LMBR1: variants seen among roughly 807,000 people sequenced by gnomAD.
LMBR1 encodes the protein limb region 1 protein homolog.
LMBR1 carries 52 observed loss-of-function variants against 73.9 expected under a neutral mutation model. The observed-to-expected ratio is 0.70, with a 90% CI of 0.56 to 0.89. The LOEUF (loss-of-function observed/expected upper bound fraction) is 0.89, where lower values mean the gene tolerates loss of function less well. Among genes scored for constraint, LMBR1 ranks in the 40% least tolerant of loss-of-function variants. The pLI is 0.00. For synonymous variants in LMBR1, 215 were observed against 209.4 expected (o/e 1.03, Z -0.23); for missense variants, 539 against 579.8 (o/e 0.93, Z 0.72).
intron 1 of LMBR1, among the ~76,000 whole-genome samples, chr7:156,857,960 G>A (rs1397528907): frequency 6.7e-6 from 1 of 149,060 alleles, no homozygotes; most frequent in Non-Finnish European, 1.5e-5. Context: ...CGCTTAGAGG[G>A]AAATGTATAG....
intron 1 of LMBR1, among the ~76,000 whole-genome samples, chr7:156,871,796 G>A (rs1490964648): frequency 1.3e-5 from 2 of 152,112 alleles, no homozygotes; most frequent in Non-Finnish European, 2.9e-5. Context: ...TTATCTCAAT[G>A]TAATAAAGGC....
At chr7:156,836,136 GA>G (rs1837609842) in intron 2 of LMBR1, among the ~76,000 whole-genome samples, 1 of 152,158 alleles carries the variant, frequency 6.6e-6, no homozygotes, top group South Asian at 2.1e-4. Context: ...AGTTTAAACT[GA>G]TAGCATAATA....
intron 15 of LMBR1, among the ~76,000 whole-genome samples, chr7:156,700,771 G>A (rs961478822): frequency 4.6e-5 from 7 of 152,000 alleles, no homozygotes; most frequent in Admixed American, 6.6e-5. Context: ...TTCCAAAGTC[G>A]CTTCCATATT....
intron 9 of LMBR1, among the ~76,000 whole-genome samples, chr7:156,747,310 G>C (rs891238156): frequency 6.6e-6 from 1 of 152,074 alleles, no homozygotes; most frequent in Admixed American, 6.5e-5. Context: ...AATAGCTGAA[G>C]GCAACTTTTC....
rs10633275 is a variant in LMBR1, at chr7:156,831,275, A to ATT, written c.179+2476_179+2477dup. ...AATTGTATCAAGCACCCTACCCTAG[A>ATT]TTTTTTTTTTTTTTTTTTGGCAAAT... On this transcript the variant is annotated intron_variant, in intron 3 of 16. Transcript: ENST00000353442. 6.0e-4 allele frequency among the ~76,000 whole-genome samples: 77 copies of ATT among 127,938 alleles called. 3 individuals are homozygous for ATT. The highest frequency in any genetic ancestry group is 4.0e-3 in the South Asian group (16 of 3,994). 83.9% of individuals were successfully genotyped at this position (127,938 alleles called of 152,430 possible). A position where few individuals can be genotyped will look rare whatever the true frequency, so the allele number is the denominator to read the frequency against.
At chr7:156,694,234 C>CA (rs558278817) in intron 15 of LMBR1, among the ~76,000 whole-genome samples, 78 of 152,186 alleles carry the variant, frequency 5.1e-4, no homozygotes, top group African/African-American at 1.8e-3. Flanking sequence ...AGCCTCCTGG[C>CA]AAATGATCCC....
Position 156,683,917 on chromosome 7 carries a change from A to G in LMBR1, c.*161T>C. The G allele has an allele frequency of 1.5e-6, 1 of 650,776 alleles. No individual in the cohort carries two copies. Among genetic ancestry groups the G allele is most frequent in the Non-Finnish European group, 2.7e-6 (1 of 366,816 alleles). 40.3% of individuals were successfully genotyped at this position (650,776 alleles called of 1,614,324 possible). On this transcript the variant is annotated 3_prime_UTR_variant, in exon 17 of 17. Coordinates refer to ENST00000353442, the MANE Select transcript of LMBR1 (RefSeq NM_022458.4). ...AAGTTAAATTTAAAAAAGATCAGCC[A>G]TAGCCAAGTTCTTCGTAGATTATGA...
intron 1 of LMBR1, chr7:156,892,675 G>C: frequency 3.0e-6 from 1 of 337,198 alleles, no homozygotes; most frequent in Non-Finnish European, 5.4e-6. Flanking sequence ...GAGCGCGAGG[G>C]GGCAGGGGAG....
At chr7:156,727,046 G>A (rs974295540) in intron 12 of LMBR1, among the ~76,000 whole-genome samples, 1 of 152,268 alleles carries the variant, frequency 6.6e-6, no homozygotes, top group South Asian at 2.1e-4. Context: ...GAAGACCCCT[G>A]TGATATGTAA....
Position 156,679,409 on chromosome 7 carries a change from G to C in LMBR1, c.*4669C>G, listed in dbSNP as rs892891745. 1 of 152,192 alleles carries C rather than the reference G, an allele frequency of 6.6e-6. No individual in the cohort carries two copies. The highest frequency in any genetic ancestry group is 2.4e-5 in the African/African-American group (1 of 41,444). 9.4% of individuals were successfully genotyped at this position (152,192 alleles called of 1,614,324 possible). On this transcript the variant is annotated 3_prime_UTR_variant, in exon 17 of 17. Coordinates refer to ENST00000353442, the MANE Select transcript of LMBR1 (RefSeq NM_022458.4). ...GCAGGAGGAGGACGATGCTCCACTT[G>C]TCACTTAGTTCTCTGACTCTACTGT...
intron 4 of LMBR1, among the ~76,000 whole-genome samples, chr7:156,803,109 A>G (rs1469185704): frequency 6.6e-6 from 1 of 152,190 alleles, no homozygotes; most frequent in Non-Finnish European, 1.5e-5. Flanking sequence ...TTCATGTCTA[A>G]AACACCAAAA....
At chr7:156,850,829 T>G (rs984479303) in intron 1 of LMBR1, among the ~76,000 whole-genome samples, 1 of 152,192 alleles carries the variant, frequency 6.6e-6, no homozygotes, top group African/African-American at 2.4e-5. Context: ...CAGAATTTCA[T>G]GTTGAAGCGT....
chr7:156,885,038 T>A (rs1801660064), intron 1 of LMBR1, among the ~76,000 whole-genome samples: 2 of 151,966 alleles, frequency 1.3e-5, no homozygotes, highest in South Asian at 4.2e-4. Context: ...ATGGGAAGGT[T>A]CTAAAATCTC....
intron 9 of LMBR1, among the ~76,000 whole-genome samples, chr7:156,740,180 G>A (rs1018353721): frequency 1.3e-5 from 2 of 152,002 alleles, no homozygotes; most frequent in African/African-American, 2.4e-5. Flanking sequence ...CTTGAAGACA[G>A]GCTGTTTGAA....
chr7:156,676,789 G>T, downstream of LMBR1: 1 of 659,248 alleles, frequency 1.5e-6, no homozygotes, highest in South Asian at 2.0e-5. Context: ...GTAGTTGTAG[G>T]AAATCTTAGT....
At chr7:156,774,864 G>A (rs1413043301) in intron 5 of LMBR1, among the ~76,000 whole-genome samples, 1 of 152,106 alleles carries the variant, frequency 6.6e-6, no homozygotes, top group Non-Finnish European at 1.5e-5. Context: ...GTCTTTTGCA[G>A]CAACATGGAT....
At chr7:156,778,168 T>C (rs187988615) in intron 5 of LMBR1, among the ~76,000 whole-genome samples, 30 of 152,356 alleles carry the variant, frequency 2.0e-4, no homozygotes, top group Admixed American at 5.9e-4. Flanking sequence ...GTTCAAAAAG[T>C]TATTTCAAAT....
intron 15 of LMBR1, among the ~76,000 whole-genome samples, chr7:156,706,670 T>A (rs1054684688): frequency 7.9e-5 from 12 of 151,220 alleles, no homozygotes; most frequent in African/African-American, 7.3e-5. Context: ...AAAAAAAAAA[T>A]TTTTGAAACA....
At chr7:156,733,636 G>A (rs1817292312) in intron 10 of LMBR1, among the ~76,000 whole-genome samples, 2 of 152,018 alleles carry the variant, frequency 1.3e-5, no homozygotes, top group South Asian at 2.1e-4. Flanking sequence ...GAAAAATAAA[G>A]GAACATCCTT....
Sources: allele counts gnomAD v4.1 joint callset (sites outside exome capture counted in the v4.1 genomes callset), GRCh38; gene constraint gnomAD v4.1.1; transcripts MANE v1.5; gene names NCBI Gene and HGNC (gene_info 2026-07-23, HGNC 2026-07-21).